Variants in RBM10 observed in about 807,000 individuals in gnomAD.
The protein encoded by RBM10 is RNA binding motif protein 10.
In RBM10, 1 loss-of-function variant was observed where a neutral mutation model predicts 84.9. The observed-to-expected ratio is 0.01, with a 90% CI of 0.00 to 0.06. The LOEUF (loss-of-function observed/expected upper bound fraction) is 0.06. Ranked by LOEUF, RBM10 falls within the 10% of genes least tolerant of loss-of-function variation. RBM10 has a pLI of 1.00. For synonymous variants in RBM10, 326 were observed against 344.5 expected, an observed-to-expected ratio of 0.95 and a Z score of 0.60; for missense variants, 438 against 839.0, an observed-to-expected ratio of 0.52 and a Z score of 5.90.
intron 2 of RBM10, among the ~76,000 whole-genome samples, chrX:47,156,069 A>G (rs1802142197): frequency 1.8e-5 from 2 of 110,290 alleles, no homozygotes; most frequent in African/African-American, 3.3e-5. Flanking sequence ...TCGGCCTCCC[A>G]AAGTGCTCGG....
chrX:47,155,009 T>TG (rs1932975251), intron 2 of RBM10, among the ~76,000 whole-genome samples: 1 of 107,300 alleles, frequency 9.3e-6, no homozygotes. Context: ...TAGCTGGGTG[T>TG]GGTGGCAGGC....
At position 47,180,137 on chromosome X, in the gene RBM10, C is replaced by T; in HGVS notation, c.1063-75C>T. On this transcript the variant is annotated intron_variant, in intron 10 of 23. Transcript: ENST00000377604. ...CCCAGCCTCCCACCGCGGCTGCCAGCCTGGAAATCGGGCAATGGAGCCGGG... is the reference window on the plus strand; with the variant it reads ...CCCAGCCTCCCACCGCGGCTGCCAGTCTGGAAATCGGGCAATGGAGCCGGG... 2.5e-6 allele frequency: 3 copies of T among 1,184,614 alleles called. No homozygotes were observed. In the Admixed American group the frequency reaches 6.7e-5, roughly 26 times the overall value.
intron 17 of RBM10, among the ~76,000 whole-genome samples, chrX:47,182,879 TAA>T (rs1935646718): frequency 8.9e-6 from 1 of 112,494 alleles, no homozygotes; most frequent in Non-Finnish European, 1.9e-5. Context: ...GTCATGCATA[TAA>T]AGTTATACAC....
chrX:47,179,896 C>G lies in RBM10; in HGVS notation c.918C>G (p.Asn306Lys), dbSNP rs1447246696. The G allele has an allele frequency of 8.3e-7, 1 of 1,206,445 alleles. No individual in the cohort carries two copies. Among genetic ancestry groups the G allele is most frequent in the Non-Finnish European group, 1.1e-6 (1 of 893,560 alleles). ...TTCCCACAGCCATCATTTTGCGCAA[C>G]CTGAACCCACACAGCACCATGGATT... ...ENANDTIILR[N>K]LNPHSTMDSI... The change falls in exon 10 of 24, where the codon AAC becomes AAG. Residue 306 changes from asparagine (N) to lysine (K), a missense_variant. By Grantham distance (94) the Asn-to-Lys change is moderately conservative. Around this residue, in one of 8 missense-constraint regions of RBM10, gnomAD observed 33 missense variants for 115.0 expected, o/e 0.29. Transcript: ENST00000377604.
chrX:47,183,727 G>A (rs1019085812), intron 17 of RBM10, among the ~76,000 whole-genome samples: 2 of 109,477 alleles, frequency 1.8e-5, no homozygotes, highest in African/African-American at 3.3e-5. Context: ...ATGGAGTTTC[G>A]CTCTTATCAT....
chrX:47,145,662 T>TG, intron 1 of RBM10, 177 bp downstream of exon 1: 1 of 345,628 alleles, frequency 2.9e-6, no homozygotes, highest in East Asian at 5.5e-5. Context: ...TTTTTTTTTT[T>TG]GGTGTGAGCA....
chrX:47,153,258 T>G (rs1932869810), intron 2 of RBM10, among the ~76,000 whole-genome samples: 1 of 112,109 alleles, frequency 8.9e-6, no homozygotes, highest in South Asian at 3.7e-4. Flanking sequence ...TATAGTACTT[T>G]TATTCTATAT....
chrX:47,145,579 G>A (rs1556761696), intron 1 of RBM10, 94 bp downstream of exon 1: 6 of 921,871 alleles, frequency 6.5e-6, no homozygotes, highest in Non-Finnish European at 8.9e-6. Flanking sequence ...CGGGGGAGAT[G>A]CGCGGAACGG....
chrX:47,170,800 C>T (rs782732014), intron 3 of RBM10, among the ~76,000 whole-genome samples: 19 of 112,248 alleles, frequency 1.7e-4, no homozygotes, highest in African/African-American at 5.2e-4. Flanking sequence ...TGTCACCTAC[C>T]TCTCCCCACC....
chrX:47,145,837 C>T (rs1371208387), intron 1 of RBM10, among the ~76,000 whole-genome samples: 1 of 102,206 alleles, frequency 9.8e-6, no homozygotes, highest in African/African-American at 3.6e-5. Context: ...AGAGGGGATG[C>T]TGCTCTGTGT....
intron 2 of RBM10, chrX:47,157,256 C>A: frequency 3.2e-6 from 1 of 312,329 alleles, no homozygotes; most frequent in Non-Finnish European, 6.2e-6. Context: ...TGAGCAAGGG[C>A]CTCTGGACCA....
At chrX:47,164,584 A>G (rs1934018918) in intron 2 of RBM10, among the ~76,000 whole-genome samples, 1 of 111,680 alleles carries the variant, frequency 9.0e-6, no homozygotes, top group Admixed American at 9.6e-5. Flanking sequence ...AAGATATACA[A>G]GTGGCCAGTA....
At position 47,149,655 on chromosome X, in the gene RBM10, C is replaced by T. The variant is rs144431803; in HGVS notation, c.17+2157C>T. On this transcript the variant is annotated intron_variant, in intron 2 of 23. Transcript: ENST00000377604. ...GATTATGGGCATGAGCCACCACACC[C>T]GGCACAGTGCTGTATTTTTAACATC... Among the ~76,000 whole-genome samples, 875 of 111,258 alleles carry T rather than the reference C, an allele frequency of 7.9e-3. 13 individuals are homozygous for T. Among genetic ancestry groups the T allele is most frequent in the African/African-American group, 0.028 (849 of 30,619 alleles).
chrX:47,150,981 C>T (rs782142647), intron 2 of RBM10, among the ~76,000 whole-genome samples: 9 of 111,525 alleles, frequency 8.1e-5, no homozygotes, highest in Non-Finnish European at 1.7e-4. Flanking sequence ...GCATAAAAAG[C>T]TTTCATTTTC....
rs367958692 is a variant in RBM10 at position 47,163,056 on chromosome X, C to CAA, written c.18-6245_18-6244dup. Among the ~76,000 whole-genome samples, 894 of 91,031 alleles carry CAA rather than the reference C, an allele frequency of 9.8e-3. 11 individuals carry two copies. The highest frequency in any genetic ancestry group is 0.032 in the African/African-American group (813 of 25,207). The allele number at this position is 91,031 out of a possible 115,157, so 79.0% of individuals were successfully genotyped here. ...ATCTCACTTCTGTTGTATGCTTCTC[C>CAA]AAAAAAAAAAAAAAATCCATAATCT... On this transcript the variant is annotated intron_variant, in intron 2 of 23. Coordinates refer to ENST00000377604, the MANE Select transcript of RBM10 (RefSeq NM_005676.5).
rs1028309132 is a variant in RBM10 at position 47,149,928 on chromosome X, C to T, written c.17+2430C>T. On this transcript the variant is annotated intron_variant, in intron 2 of 23. Transcript: ENST00000377604. ...CTCCACCTCCCAGGTTCAAGCAATTCTCCTGCCTCAGCCTCCCAAGTAGCT... is the reference window on the plus strand; with the variant it reads ...CTCCACCTCCCAGGTTCAAGCAATTTTCCTGCCTCAGCCTCCCAAGTAGCT... Among the ~76,000 whole-genome samples, 6 of 105,388 alleles carry T rather than the reference C, an allele frequency of 5.7e-5. No individual in the cohort carries two copies. In the Admixed American group the frequency reaches 6.3e-4, roughly 11 times the overall value. 91.5% of individuals were successfully genotyped at this position (105,388 alleles called of 115,157 possible).
intron 5 of RBM10, among the ~76,000 whole-genome samples, chrX:47,173,889 A>ATCTCTCTCTCTCTCTCTCTC (rs537480494): frequency 5.2e-5 from 2 of 38,596 alleles, no homozygotes; most frequent in African/African-American, 1.2e-4. Flanking sequence ...CCACACCTCC[A>ATCTCTCTCTCTCTCTCTCTC]TCTCTCTCTC....
At position 47,185,946 on chromosome X, in the gene RBM10, T is replaced by G. The variant is rs896627010; in HGVS notation, c.2431-119T>G. The G allele has an allele frequency of 3.1e-5, 35 of 1,146,034 alleles. No homozygotes were observed. The African/African-American group carries it at 5.4e-4, about 18-fold the overall frequency. The allele number at this position is 1,146,034 out of a possible 1,213,427, so 94.4% of individuals were successfully genotyped here. A position where few individuals can be genotyped will look rare whatever the true frequency, so the allele number is the denominator to read the frequency against. ...GCTTGTGCCTGTGATGGCCTGACCC[T>G]CAGGACCTGAGCCTCATTAGCCAGA... On this transcript the variant is annotated intron_variant, in intron 21 of 23. Coordinates refer to ENST00000377604, the MANE Select transcript of RBM10 (RefSeq NM_005676.5).
chrX:47,154,372 A>T (rs1556764452), intron 2 of RBM10, among the ~76,000 whole-genome samples: 1 of 111,095 alleles, frequency 9.0e-6, no homozygotes, highest in Non-Finnish European at 1.9e-5. Flanking sequence ...AGAGTTCAGG[A>T]TAATTTCATC....
Sources: allele counts gnomAD v4.1 joint callset (sites outside exome capture counted in the v4.1 genomes callset), GRCh38; gene constraint gnomAD v4.1.1; regional missense constraint gnomAD v4.1.1; transcripts MANE v1.5; gene names NCBI Gene and HGNC (gene_info 2026-07-23, HGNC 2026-07-21).